Variants in TBRG4 observed in about 807,000 individuals in gnomAD.
TBRG4 encodes the protein FAST kinase domain-containing protein 4.
Under a neutral mutation model 65.6 loss-of-function variants are expected in TBRG4, and 43 were observed. That is an observed-to-expected ratio of 0.66 (90% CI 0.51 to 0.85). The LOEUF (loss-of-function observed/expected upper bound fraction) is 0.85, where lower values mean the gene tolerates loss of function less well. Among genes scored for constraint, TBRG4 ranks in the 40% least tolerant of loss-of-function variants. The pLI is 0.00. For synonymous variants in TBRG4, 366 were observed against 341.4 expected (o/e 1.07, Z -0.79); for missense variants, 709 against 787.9 (o/e 0.90, Z 1.20).
At position 45,103,382 on chromosome 7, in the gene TBRG4, A is replaced by G. The variant is rs372376772; in HGVS notation, c.1127T>C (p.Phe376Ser). 4 of 1,613,938 alleles carry G rather than the reference A, an allele frequency of 2.5e-6. No individual in the cohort carries two copies. The African/African-American group carries it at 5.3e-5, about 22-fold the overall frequency. Reference protein sequence around the residue: ...LPHLCSVLLAFARLNFHPDQE... With the variant: ...LPHLCSVLLASARLNFHPDQE... Reference sequence around the variant, plus strand: ...GTCTGGATGGAAGTTCAGACGCGCAAAAGCCAGAAGTACGCTGCACAGGTG... The same window carrying G: ...GTCTGGATGGAAGTTCAGACGCGCAGAAGCCAGAAGTACGCTGCACAGGTG... Residue 376 changes from phenylalanine (F) to serine (S), a missense_variant, in exon 6 of 11, where the codon TTT (phenylalanine) becomes TCT (serine). Coordinates refer to ENST00000258770, the MANE Select transcript of TBRG4 (RefSeq NM_004749.4).
At chr7:45,102,287 C>T in intron 7 of TBRG4, 60 bp downstream of exon 7, 1 of 1,607,398 alleles carries the variant, frequency 6.2e-7, no homozygotes, top group Non-Finnish European at 8.5e-7. Flanking sequence ...TCACCTGGCA[C>T]TAGGCAGACA....
chr7:45,109,553 G>C (rs750549287), intron 1 of TBRG4, among the ~76,000 whole-genome samples: 2 of 152,126 alleles, frequency 1.3e-5, no homozygotes, highest in African/African-American at 2.4e-5. Flanking sequence ...AAATCACCTA[G>C]GATGTGGTTC....
Position 45,111,639 on chromosome 7 carries a change from C to G in TBRG4, c.-51+4G>C. The G allele has an allele frequency of 7.8e-7, 1 of 1,289,472 alleles. No homozygotes were observed. The highest frequency in any genetic ancestry group is 1.0e-6 in the Non-Finnish European group (1 of 988,858). The allele number at this position is 1,289,472 out of a possible 1,614,324, so 79.9% of individuals were successfully genotyped here. On this transcript the variant is annotated splice_donor_region_variant and intron_variant, in intron 1 of 10. Coordinates refer to ENST00000258770, the MANE Select transcript of TBRG4 (RefSeq NM_004749.4). ...GCCCCTTCTCCCCGTGCCACAAGACCTACGCAGCGAGCACCACCGCTGACC... is the reference window on the plus strand; with the variant it reads ...GCCCCTTCTCCCCGTGCCACAAGACGTACGCAGCGAGCACCACCGCTGACC...
intron 6 of TBRG4, 131 bp downstream of exon 6, chr7:45,103,202 T>A: frequency 7.0e-6 from 5 of 711,168 alleles, no homozygotes; most frequent in African/African-American, 3.5e-5. Flanking sequence ...CAGTTCCCCC[T>A]GCCCTCCCAT....
chr7:45,103,386 CCAGAAGTACGCTGCA>C lies in TBRG4; in HGVS notation c.1108_1122del (p.Cys370_Leu374del). The C allele has an allele frequency of 6.2e-7, 1 of 1,614,044 alleles. No individual in the cohort carries two copies. The highest frequency in any genetic ancestry group is 8.5e-7 in the Non-Finnish European group (1 of 1,179,956). The stretch of plus-strand genomic sequence containing the variant: ...GGATGGAAGTTCAGACGCGCAAAAG[CCAGAAGTACGCTGCA>C]CAGGTGGGGCAGGGTGATGTCCTGC... On this transcript the variant is annotated inframe_deletion, in exon 6 of 11. Transcript: ENST00000258770.
At chr7:45,102,993 A>C (rs568034493) in intron 6 of TBRG4, 583 of 390,144 alleles carry the variant, frequency 1.5e-3, no homozygotes, top group Middle Eastern at 4.8e-3. Flanking sequence ...TGGCTGTCCT[A>C]AGGTCTTCAT....
chr7:45,103,528 A>G, intron 5 of TBRG4, 85 bp from the exon 6 acceptor site: 1 of 1,106,726 alleles, frequency 9.0e-7, no homozygotes, highest in Non-Finnish European at 1.3e-6. Flanking sequence ...GTCTGAGGAG[A>G]GCCTGCATGG....
Sources: allele counts gnomAD v4.1 joint callset (sites outside exome capture counted in the v4.1 genomes callset), GRCh38; gene constraint gnomAD v4.1.1; transcripts MANE v1.5; gene names NCBI Gene and HGNC (gene_info 2026-07-23, HGNC 2026-07-21).